ATL2: variants seen among roughly 807,000 people sequenced by gnomAD.
ATL2 encodes atlastin GTPase 2.
A neutral mutation model predicts 73.9 loss-of-function variants in ATL2; 31 were observed. The ratio of observed to expected loss-of-function variants is 0.42; its 90% CI spans 0.32 to 0.57. The LOEUF is 0.57. Among genes scored for constraint, ATL2 ranks in the 20% least tolerant of loss-of-function variants. The pLI, the probability that ATL2 is intolerant of heterozygous loss-of-function variation, is 0.14. For missense variants in ATL2, 738 were observed against 702.6 expected, an observed-to-expected ratio of 1.05 and a Z score of -0.57; for synonymous variants, 291 against 237.5, an observed-to-expected ratio of 1.23 and a Z score of -2.07.
chr2:38,325,699 TACACACACA>T (rs1668598225), intron 2 of ATL2, among the ~76,000 whole-genome samples: 2 of 11,316 alleles, frequency 1.8e-4, no homozygotes, highest in African/African-American at 5.8e-4. Flanking sequence ...CACACACCAG[TACACACACA>T]CACACACACA....
chr2:38,309,599 A>G, intron 8 of ATL2, 93 bp from the exon 9 acceptor site: 5 of 1,261,988 alleles, frequency 4.0e-6, no homozygotes, highest in Non-Finnish European at 5.5e-6. Flanking sequence ...TGAAATAAGA[A>G]TACATAGTAT....
intron 5 of ATL2, 98 bp downstream of exon 5, chr2:38,315,186 G>C: frequency 8.3e-7 from 1 of 1,203,892 alleles, no homozygotes; most frequent in Non-Finnish European, 1.1e-6. Flanking sequence ...GGGAGGGGGA[G>C]GTTGCAGTGA....
chr2:38,303,607 C>T (rs1048523743), intron 9 of ATL2, among the ~76,000 whole-genome samples: 4 of 151,996 alleles, frequency 2.6e-5, no homozygotes, highest in African/African-American at 9.7e-5. Flanking sequence ...TGAAGCATGC[C>T]TACAAGATCT....
chr2:38,355,093 C>A (rs1670581156), intron 1 of ATL2, among the ~76,000 whole-genome samples: 1 of 152,046 alleles, frequency 6.6e-6, no homozygotes, highest in Non-Finnish European at 1.5e-5. Context: ...CAGAGACTGC[C>A]AGACTGGGTA....
At chr2:38,377,482 C>G (rs1431710141), upstream of ATL2, among the ~76,000 whole-genome samples, 3 of 151,460 alleles carry the variant, frequency 2.0e-5, no homozygotes, top group Non-Finnish European at 4.4e-5. Flanking sequence ...GCCCTGCCCG[C>G]CTGCAGATCC....
chr2:38,331,216 C>T (rs1033616329), intron 2 of ATL2, among the ~76,000 whole-genome samples: 4 of 152,016 alleles, frequency 2.6e-5, no homozygotes, highest in East Asian at 1.9e-4. Context: ...GGGCGGATCA[C>T]GAGGTCAAGA....
chr2:38,300,269 T>C lies in ATL2; in HGVS notation c.1128+3A>G, dbSNP rs780176099. The C allele has an allele frequency of 3.2e-6, 5 of 1,587,282 alleles. No individual in the cohort carries two copies. Among genetic ancestry groups the C allele is most frequent in the Non-Finnish European group, 4.3e-6 (5 of 1,157,028 alleles). ...CAACACATATCACTCTCTCTCTCTCTACCTGAAGCATGGACTTTGGATGTG... is the reference window on the plus strand; with the variant it reads ...CAACACATATCACTCTCTCTCTCTCCACCTGAAGCATGGACTTTGGATGTG... On this transcript the variant is annotated splice_donor_region_variant and intron_variant, in intron 10 of 12. Transcript: ENST00000378954.
intron 12 of ATL2, chr2:38,296,647 GT>G (rs767735423): frequency 1.3e-6 from 2 of 1,594,036 alleles, no homozygotes; most frequent in Non-Finnish European, 1.7e-6. Context: ...AAGCTAAAGA[GT>G]TTAAGACTAC....
chr2:38,363,767 A>C (rs976766518), intron 1 of ATL2, among the ~76,000 whole-genome samples: 2 of 152,248 alleles, frequency 1.3e-5, no homozygotes, highest in African/African-American at 4.8e-5. Flanking sequence ...TATACTAGAC[A>C]GAAGTATAAT....
At chr2:38,302,623 G>C (rs1323625028) in intron 9 of ATL2, among the ~76,000 whole-genome samples, 1 of 152,186 alleles carries the variant, frequency 6.6e-6, no homozygotes, top group Non-Finnish European at 1.5e-5. Flanking sequence ...CAGAGACAGA[G>C]ACTCCATTTG....
At chr2:38,329,545 GTTCTCTACAAA>G (rs994218009) in intron 2 of ATL2, among the ~76,000 whole-genome samples, 1 of 150,992 alleles carries the variant, frequency 6.6e-6, no homozygotes, top group African/African-American at 2.4e-5. Flanking sequence ...AATGGTAGCA[GTTCTCTACAAA>G]TTCTTTTAGA....
rs572204895 is a variant in ATL2, at chr2:38,335,273, C to T, written c.363+7995G>A. Among the ~76,000 whole-genome samples, 6 of 152,082 alleles carry T rather than the reference C, an allele frequency of 3.9e-5. No homozygotes were observed. In the South Asian group the frequency reaches 1.0e-3, roughly 26 times the overall value. On this transcript the variant is annotated intron_variant, in intron 2 of 12. Coordinates refer to ENST00000378954, the MANE Select transcript of ATL2 (RefSeq NM_001135673.4). ...TAAACCCAACAGAATTCAGTGCTTA[C>T]ATCACAAAGACTTTACAAAAATGTT...
rs370500111 is a variant in ATL2 at position 38,318,991 on chromosome 2, T to C, written c.392A>G (p.Asn131Ser). 11 of 1,613,980 alleles carry C rather than the reference T, an allele frequency of 6.8e-6. No homozygotes were observed. Among genetic ancestry groups the C allele is most frequent in the East Asian group, 2.2e-5 (1 of 44,868 alleles). Residue 131 changes from asparagine (N) to serine (S), a missense_variant, in exon 3 of 13, where the codon AAT (asparagine) becomes AGT (serine). By Grantham distance (46) the Asn-to-Ser change is conservative. Transcript: ENST00000378954. Reference protein sequence around the residue: ...KDSQSWIGGNNEPLTGFTWRG... With the variant: ...KDSQSWIGGNSEPLTGFTWRG... The stretch of plus-strand genomic sequence containing the variant: ...CCATGTAAAGCCTGTCAATGGTTCA[T>C]TGTTTCCACCAATCCAACTTTGAGA...
intron 4 of ATL2, among the ~76,000 whole-genome samples, chr2:38,316,434 A>G (rs995260479): frequency 6.6e-6 from 1 of 152,186 alleles, no homozygotes; most frequent in African/African-American, 2.4e-5. Flanking sequence ...AACTTAGATC[A>G]TTAGTACTTA....
At chr2:38,337,415 G>C (rs940866973) in intron 2 of ATL2, among the ~76,000 whole-genome samples, 1 of 141,270 alleles carries the variant, frequency 7.1e-6, no homozygotes, top group East Asian at 2.2e-4. Flanking sequence ...GAACCCAGGA[G>C]GCAGAGGTTG....
At chr2:38,319,704 C>A (rs926851746) in intron 2 of ATL2, among the ~76,000 whole-genome samples, 9 of 151,624 alleles carry the variant, frequency 5.9e-5, no homozygotes, top group African/African-American at 1.5e-4. Flanking sequence ...CATGTTGTTA[C>A]ACAGATAAGC....
At chr2:38,366,440 T>C (rs72906121) in intron 1 of ATL2, among the ~76,000 whole-genome samples, 16,225 of 152,218 alleles carry the variant, frequency 0.11, 2,862 homozygotes, top group African/African-American at 0.37. Context: ...TTTTTAAGCA[T>C]CTCTTTTAGA....
At chr2:38,347,858 C>T (rs1210496849) in intron 1 of ATL2, among the ~76,000 whole-genome samples, 4 of 150,262 alleles carry the variant, frequency 2.7e-5, no homozygotes, top group African/African-American at 9.9e-5. Flanking sequence ...CCTCTGCCTC[C>T]TGGGTTCAAG....
intron 9 of ATL2, 89 bp downstream of exon 9, chr2:38,309,290 A>G (rs146778799): frequency 1.5e-6 from 2 of 1,293,852 alleles, no homozygotes; most frequent in African/African-American, 1.5e-5. Flanking sequence ...TTGTTTTAAA[A>G]TAAAGACAAG....
Sources: gnomAD v4.1 joint callset for allele counts (sites outside exome capture counted in the v4.1 genomes callset) on GRCh38, gnomAD v4.1.1 for gene constraint, MANE v1.5 for transcripts, NCBI Gene and HGNC (gene_info 2026-07-23, HGNC 2026-07-21) for gene names.